PCDHGA4: variants seen among roughly 807,000 people sequenced by gnomAD.
The protein encoded by PCDHGA4 is protocadherin gamma-A4.
Under a neutral mutation model 54.6 loss-of-function variants are expected in PCDHGA4, and 38 were observed. The observed-to-expected ratio is 0.70, with a 90% CI of 0.54 to 0.91. The LOEUF is 0.91. Ranked by LOEUF, PCDHGA4 falls within the 40% of genes least tolerant of loss-of-function variation. The pLI is 0.00. For synonymous variants in PCDHGA4, 511 were observed against 512.9 expected (o/e 1.00, Z 0.05); for missense variants, 1,298 against 1,220.9 (o/e 1.06, Z -0.94).
chr5:141,372,095 G>C (rs1359793562), intron 1 of PCDHGA4: 1 of 1,613,790 alleles, frequency 6.2e-7, no homozygotes, highest in Admixed American at 1.7e-5. Context: ...ACCCAGCTCT[G>C]GGGCCCGAAG....
intron 1 of PCDHGA4, among the ~76,000 whole-genome samples, chr5:141,420,742 A>T (rs967908996): frequency 6.6e-6 from 1 of 152,254 alleles, no homozygotes; most frequent in African/African-American, 2.4e-5. Flanking sequence ...AATCAATTGG[A>T]ACCAACTACA....
Position 141,490,330 on chromosome 5 carries a change from C to G in PCDHGA4, c.2515-4477C>G. 4 of 1,614,198 alleles carry G rather than the reference C, an allele frequency of 2.5e-6. No homozygotes were observed. Among genetic ancestry groups the G allele is most frequent in the South Asian group, 1.1e-5 (1 of 91,082 alleles). On this transcript the variant is annotated intron_variant, in intron 1 of 3. Coordinates refer to ENST00000571252, the MANE Select transcript of PCDHGA4 (RefSeq NM_018917.4). This position sits in a 1 kb window ranked among gnomAD's most constrained non-coding sequence, Gnocchi z 5.4. ...GGCCAACCCTGTCCTAGAGAGCACACCAGTGGGCACAGTAGTGGGGTTGTT... is the reference window on the plus strand; with the variant it reads ...GGCCAACCCTGTCCTAGAGAGCACAGCAGTGGGCACAGTAGTGGGGTTGTT...
chr5:141,442,485 G>A (rs1000683527), intron 1 of PCDHGA4: 2 of 152,248 alleles, frequency 1.3e-5, no homozygotes, highest in Non-Finnish European at 2.9e-5. Flanking sequence ...TGGGGAAGGG[G>A]ATGATTGTGA....
chr5:141,409,751 C>T, intron 1 of PCDHGA4: 1 of 1,613,000 alleles, frequency 6.2e-7, no homozygotes, highest in Non-Finnish European at 8.5e-7. Flanking sequence ...GGTGTTCGCG[C>T]AGCGCGCCTT....
intron 3 of PCDHGA4, chr5:141,508,338 A>T (rs1245526252): frequency 1.3e-5 from 2 of 152,224 alleles, no homozygotes; most frequent in Non-Finnish European, 2.9e-5. Flanking sequence ...AACTGACTCT[A>T]CAGAAAGTCA....
intron 1 of PCDHGA4, chr5:141,419,383 C>A (rs1354675466): frequency 6.2e-7 from 1 of 1,613,698 alleles, no homozygotes; most frequent in South Asian, 1.1e-5. Context: ...TGTCCGTGAG[C>A]GCGCAGAGCG....
At position 141,490,788 on chromosome 5, in the gene PCDHGA4, C is replaced by G. The variant is rs2099704332; in HGVS notation, c.2515-4019C>G. ...ATGTCAACCCAGAGGATGGACGGAT[C>G]TTTGCCCAGCGTACCTTTGACTATG... On this transcript the variant is annotated intron_variant, in intron 1 of 3. Coordinates refer to ENST00000571252, the MANE Select transcript of PCDHGA4 (RefSeq NM_018917.4). The surrounding 1 kb of genome is among the most constrained non-coding windows in gnomAD (Gnocchi z 5.4). 6.2e-7 allele frequency: 1 copy of G among 1,613,918 alleles called. No homozygotes were observed. The highest frequency in any genetic ancestry group is 1.1e-5 in the South Asian group (1 of 91,084).
intron 1 of PCDHGA4, chr5:141,365,220 A>G (rs777231006): frequency 6.2e-7 from 1 of 1,613,958 alleles, no homozygotes; most frequent in East Asian, 2.2e-5. Flanking sequence ...CTTGATTCCA[A>G]CCTGGGGGAA....
In PCDHGA4 at chr5:141,356,290, A is replaced by C; in HGVS notation, c.1183A>C (p.Thr395Pro). Residue 395 changes from threonine (T) to proline (P), a missense_variant, in exon 1 of 4, where the codon ACA becomes CCA. Transcript: ENST00000571252. ...SSVQESSSPG[T>P]VIALFNVHDS... is the part of the protein sequence containing the mutation. The stretch of plus-strand genomic sequence containing the variant: ...AGTCCAGGAATCTTCTTCCCCGGGT[A>C]CAGTAATTGCACTTTTCAACGTGCA... 6.4e-7 allele frequency: 1 copy of C among 1,555,814 alleles called. No individual in the cohort carries two copies. The highest frequency in any genetic ancestry group is 8.7e-7 in the Non-Finnish European group (1 of 1,149,116).
intron 1 of PCDHGA4, among the ~76,000 whole-genome samples, chr5:141,387,440 A>T (rs2090946110): frequency 6.6e-6 from 1 of 152,240 alleles, no homozygotes; most frequent in East Asian, 1.9e-4. Context: ...TATGTACTTA[A>T]TCTACATGAT....
At chr5:141,399,129 A>G (rs1280077247) in intron 1 of PCDHGA4, 2 of 1,613,848 alleles carry the variant, frequency 1.2e-6, no homozygotes, top group Non-Finnish European at 8.5e-7. Context: ...TTAATATTCA[A>G]GATGAAAATG....
intron 1 of PCDHGA4, among the ~76,000 whole-genome samples, chr5:141,460,983 GTATA>G (rs59296681): frequency 0.024 from 3,365 of 137,748 alleles, 55 homozygotes; most frequent in African/African-American, 0.035. Flanking sequence ...GTGTGTGTGT[GTATA>G]TATATATATG....
At chr5:141,371,918 C>G in intron 1 of PCDHGA4, 7 of 1,613,372 alleles carry the variant, frequency 4.3e-6, no homozygotes, top group Non-Finnish European at 5.1e-6. Context: ...TGTCCGTGAG[C>G]GCGCGGAGCG....
At position 141,431,245 on chromosome 5, in the gene PCDHGA4, C is replaced by A. The variant is rs761126985; in HGVS notation, c.2515-63562C>A. The A allele has an allele frequency of 5.0e-6, 8 of 1,614,016 alleles. No individual in the cohort carries two copies. In the Admixed American group the frequency reaches 1.2e-4, roughly 24 times the overall value. On this transcript the variant is annotated intron_variant, in intron 1 of 3. Coordinates refer to ENST00000571252, the MANE Select transcript of PCDHGA4 (RefSeq NM_018917.4). This position sits in a 1 kb window ranked among gnomAD's most constrained non-coding sequence, Gnocchi z 4.8. ...TACCCCACGCCTGGGATCCGGATAT[C>A]GGGAAGAACTCTCTGCAGAGCTACG... is the stretch of plus-strand genomic sequence containing the variant.
chr5:141,403,137 G>C (rs2094359580), intron 1 of PCDHGA4: 1 of 1,614,038 alleles, frequency 6.2e-7, no homozygotes, highest in Non-Finnish European at 8.5e-7. Flanking sequence ...CTGGCGGAGC[G>C]CCGAGTCCGC....
At chr5:141,364,366 G>T (rs755664508) in intron 1 of PCDHGA4, 1 of 1,563,758 alleles carries the variant, frequency 6.4e-7, no homozygotes, top group Non-Finnish European at 8.6e-7. Flanking sequence ...GCTGCGGAGA[G>T]CTGCTGCTGC....
chr5:141,421,233 G>T (rs201076931), intron 1 of PCDHGA4: 2 of 1,592,240 alleles, frequency 1.3e-6, no homozygotes, highest in Non-Finnish European at 1.7e-6. Flanking sequence ...CTGCCATGGC[G>T]AATCGGCTAC....
At chr5:141,360,361 A>T in intron 1 of PCDHGA4, 1 of 1,613,910 alleles carries the variant, frequency 6.2e-7, no homozygotes, top group Non-Finnish European at 8.5e-7. Context: ...GGAATATTTC[A>T]CAGTAAACCC....
rs1588634140 is a variant in PCDHGA4 at position 141,366,905 on chromosome 5, C to T, written c.2514+9284C>T. 3 of 1,162,942 alleles carry T rather than the reference C, an allele frequency of 2.6e-6. No individual in the cohort carries two copies. In the East Asian group the frequency reaches 7.6e-5, roughly 29 times the overall value. The allele number at this position is 1,162,942 out of a possible 1,614,324, so 72.0% of individuals were successfully genotyped here. ...TTTTTTTATATAATTCATGCTTTCT[C>T]CATTTGTTTTCAAATTCTGTTTTGG... On this transcript the variant is annotated intron_variant, in intron 1 of 3. Transcript: ENST00000571252.
Sources: allele counts gnomAD v4.1 joint callset (sites outside exome capture counted in the v4.1 genomes callset), GRCh38; gene constraint gnomAD v4.1.1; non-coding constraint Gnocchi (gnomAD v3.1); transcripts MANE v1.5; gene names NCBI Gene and HGNC (gene_info 2026-07-23, HGNC 2026-07-21).